Variants in GPR135 observed in about 807,000 individuals in gnomAD.
The protein encoded by GPR135 is G protein-coupled receptor 135.
A neutral mutation model predicts 15.0 loss-of-function variants in GPR135; 17 were observed. The observed-to-expected ratio is 1.13, with a 90% CI of 0.78 to 1.70. The LOEUF (loss-of-function observed/expected upper bound fraction) is 1.70, where lower values mean the gene tolerates loss of function less well. Ranked by LOEUF, GPR135 falls within the 40% of genes most tolerant of loss-of-function variation. GPR135 has a pLI of 0.00. For missense variants in GPR135, 776 were observed against 727.0 expected (o/e 1.07, Z -0.78); for synonymous variants, 368 against 349.4 (o/e 1.05, Z -0.59).
In GPR135 at chr14:59,463,700, C is replaced by A. The variant is rs765114986; in HGVS notation, c.*42G>T. ...CAGAATCTTCCATCATTAAATAATG[C>A]GAGTGGAAATTTGCCTTCATAAGCT... On this transcript the variant is annotated 3_prime_UTR_variant, in exon 1 of 1. Transcript: ENST00000395116. 8.0e-6 allele frequency: 12 copies of A among 1,503,922 alleles called. No homozygotes were observed. The highest frequency in any genetic ancestry group is 1.1e-5 in the Non-Finnish European group (12 of 1,119,356). 93.2% of individuals were successfully genotyped at this position (1,503,922 alleles called of 1,614,324 possible). A position where few individuals can be genotyped will look rare whatever the true frequency, so the allele number is the denominator to read the frequency against.
chr14:59,464,741 C>T lies in GPR135; in HGVS notation c.486G>A (p.Leu162=). The change falls in exon 1 of 1, where the codon CTG becomes CTA. Residue 162 remains leucine, a synonymous_variant. Transcript: ENST00000395116. ...TALLCLPAAF[L]DLFTPPGGSA... Reference sequence around the variant, plus strand: ...AACCCCCGGGCGGAGTGAAGAGGTCCAGGAAGGCGGCGGGCAGGCAGAGCA... The same window carrying T: ...AACCCCCGGGCGGAGTGAAGAGGTCTAGGAAGGCGGCGGGCAGGCAGAGCA... 6.4e-7 allele frequency: 1 copy of T among 1,567,338 alleles called. No homozygotes were observed.
In GPR135 at chr14:59,465,140, T is replaced by A; in HGVS notation, c.87A>T (p.Pro29=). Residue 29 remains proline, a synonymous_variant, in exon 1 of 1, where the codon CCA becomes CCT. Coordinates refer to ENST00000395116, the MANE Select transcript of GPR135 (RefSeq NM_022571.6). ...TGGCCGCGGAGGAAGTCCCGCCAGG[T>A]GGGCCGGCCGCGGAGGGGGCGCCGG... is the stretch of plus-strand genomic sequence containing the variant. The part of the protein sequence containing the change: ...QHSGAPSAAG[P]PGGTSSAATA... 7.4e-7 allele frequency: 1 copy of A among 1,357,602 alleles called. No homozygotes were observed. The highest frequency in any genetic ancestry group is 9.5e-7 in the Non-Finnish European group (1 of 1,055,546). 84.1% of individuals were successfully genotyped at this position (1,357,602 alleles called of 1,614,324 possible). A position where few individuals can be genotyped will look rare whatever the true frequency, so the allele number is the denominator to read the frequency against.
downstream of GPR135, among the ~76,000 whole-genome samples, chr14:59,457,027 T>G (rs1033555583): frequency 2.0e-5 from 3 of 152,176 alleles, no homozygotes; most frequent in Admixed American, 1.3e-4. Context: ...ATAGGGCAGA[T>G]GTAGGCAAGA....
chr14:59,463,663 A>G lies in GPR135; in HGVS notation c.*79T>C. Reference sequence around the variant, plus strand: ...TTAAATGTTTGGCTTTATGAAATCCACAACTCTCCCCCAGAATCTTCCATC... The same window carrying G: ...TTAAATGTTTGGCTTTATGAAATCCGCAACTCTCCCCCAGAATCTTCCATC... On this transcript the variant is annotated 3_prime_UTR_variant, in exon 1 of 1. Coordinates refer to ENST00000395116, the MANE Select transcript of GPR135 (RefSeq NM_022571.6). 1 of 1,361,132 alleles carries G rather than the reference A, an allele frequency of 7.3e-7. No homozygotes were observed. The highest frequency in any genetic ancestry group is 1.5e-5 in the South Asian group (1 of 68,130). 84.3% of individuals were successfully genotyped at this position (1,361,132 alleles called of 1,614,324 possible). A position where few individuals can be genotyped will look rare whatever the true frequency, so the allele number is the denominator to read the frequency against.
In GPR135 at chr14:59,464,135, G is replaced by A. The variant is rs553178682; in HGVS notation, c.1092C>T (p.Ala364=). Residue 364 remains alanine (A), a synonymous_variant, in exon 1 of 1, where the codon GCC becomes GCT. Transcript: ENST00000395116. ...AAARQAQTMQ[A]PSLLSVVAVW... is the part of the protein sequence containing the mutation. ...CGGCCACCACGCTGAGGAGCGAGGG[G>A]GCCTGCATGGTCTGGGCCTGCCGGG... The A allele has an allele frequency of 2.4e-5, 38 of 1,609,920 alleles. No individual in the cohort carries two copies. In the South Asian group the frequency reaches 3.8e-4, roughly 16 times the overall value.
chr14:59,463,643 T>C lies in GPR135; in HGVS notation c.*99A>G. On this transcript the variant is annotated 3_prime_UTR_variant, in exon 1 of 1. Transcript: ENST00000395116. ...AGCCTCCCCCGTCTCTAGCTTTAAA[T>C]GTTTGGCTTTATGAAATCCACAACT... is the stretch of plus-strand genomic sequence containing the variant. 1 of 1,166,390 alleles carries C rather than the reference T, an allele frequency of 8.6e-7. No individual in the cohort carries two copies. Among genetic ancestry groups the C allele is most frequent in the Non-Finnish European group, 1.2e-6 (1 of 836,566 alleles). 72.3% of individuals were successfully genotyped at this position (1,166,390 alleles called of 1,614,324 possible).
At chr14:59,453,757 G>A (rs1888564217) in intron 6 of GPR135, among the ~76,000 whole-genome samples, 1 of 152,240 alleles carries the variant, frequency 6.6e-6, no homozygotes. Context: ...GCAGGTTTTA[G>A]TTGTCAAGGG....
At position 59,464,820 on chromosome 14, in the gene GPR135, G is replaced by T. The variant is rs757987141; in HGVS notation, c.407C>A (p.Thr136Asn). The change falls in exon 1 of 1, where the codon ACC becomes AAC. Residue 136 changes from threonine (T) to asparagine (N), a missense_variant. By Grantham distance (65) the Thr-to-Asn change is moderately conservative (BLOSUM62 0). Transcript: ENST00000395116. The stretch of plus-strand genomic sequence containing the variant: ...CGACAGGATGAAGGCGTTGGTGACG[G>T]TGCGGAGCTGCCGGTGCTTCACAAT... ...GVIVKHRQLR[T>N]VTNAFILSLS... 1 of 1,585,226 alleles carries T rather than the reference G, an allele frequency of 6.3e-7. No individual in the cohort carries two copies. Among genetic ancestry groups the T allele is most frequent in the South Asian group, 1.2e-5 (1 of 86,862 alleles).
In GPR135 at chr14:59,460,823, T is replaced by C. The variant is rs1888829267; in HGVS notation, c.*2919A>G. ...ATTTCATAGCTTTTCTTTCTCGTTT[T>C]CCCATGAAGTCACTATAATTGCATA... is the stretch of plus-strand genomic sequence containing the variant. On this transcript the variant is annotated 3_prime_UTR_variant, in exon 1 of 1. Transcript: ENST00000395116. 6.6e-6 allele frequency: 1 copy of C among 152,218 alleles called. No homozygotes were observed. The highest frequency in any genetic ancestry group is 1.5e-5 in the Non-Finnish European group (1 of 68,036). The allele number at this position is 152,218 out of a possible 1,614,324, so 9.4% of individuals were successfully genotyped here. A position where few individuals can be genotyped will look rare whatever the true frequency, so the allele number is the denominator to read the frequency against.
chr14:59,456,209 C>A (rs1486672205), downstream of GPR135, among the ~76,000 whole-genome samples: 1 of 151,874 alleles, frequency 6.6e-6, no homozygotes. Flanking sequence ...CACAAATAAC[C>A]CCTAATGAGT....
downstream of GPR135, among the ~76,000 whole-genome samples, chr14:59,457,761 C>T (rs1402385576): frequency 6.6e-6 from 1 of 152,136 alleles, no homozygotes; most frequent in Admixed American, 6.5e-5. Context: ...ATTATTTGAA[C>T]ATATTCATAA....
Position 59,461,720 on chromosome 14 carries a change from A to G in GPR135, c.*2022T>C, listed in dbSNP as rs918512256. ...TGCAACACGCTCACCTCCTTACTCT[A>G]AGATCTCTAACCCTCTGCCCTTTAT... On this transcript the variant is annotated 3_prime_UTR_variant, in exon 1 of 1. Transcript: ENST00000395116. 1.3e-5 allele frequency: 2 copies of G among 152,160 alleles called. No homozygotes were observed. The highest frequency in any genetic ancestry group is 2.9e-5 in the Non-Finnish European group (2 of 68,026). 9.4% of individuals were successfully genotyped at this position (152,160 alleles called of 1,614,324 possible).
Position 59,465,351 on chromosome 14 carries a change from G to T in GPR135, c.-125C>A. The T allele has an allele frequency of 1.5e-6, 1 of 662,914 alleles. No individual in the cohort carries two copies. Among genetic ancestry groups the T allele is most frequent in the Non-Finnish European group, 2.1e-6 (1 of 474,364 alleles). 41.1% of individuals were successfully genotyped at this position (662,914 alleles called of 1,614,324 possible). A position where few individuals can be genotyped will look rare whatever the true frequency, so the allele number is the denominator to read the frequency against. On this transcript the variant is annotated 5_prime_UTR_variant, in exon 1 of 1. Coordinates refer to ENST00000395116, the MANE Select transcript of GPR135 (RefSeq NM_022571.6). ...GGGAGCTGGGCTCGGCCGGAGGGGTGGCGGTCGCTGGGGACCTGGCGGAGC... is the reference window on the plus strand; with the variant it reads ...GGGAGCTGGGCTCGGCCGGAGGGGTTGCGGTCGCTGGGGACCTGGCGGAGC...
Position 59,463,636 on chromosome 14 carries a change from C to A in GPR135, c.*106G>T, listed in dbSNP as rs1278602203. 2 of 1,116,246 alleles carry A rather than the reference C, an allele frequency of 1.8e-6. No individual in the cohort carries two copies. Among genetic ancestry groups the A allele is most frequent in the Admixed American group, 5.9e-5 (2 of 34,012 alleles). 69.1% of individuals were successfully genotyped at this position (1,116,246 alleles called of 1,614,324 possible). On this transcript the variant is annotated 3_prime_UTR_variant, in exon 1 of 1. Coordinates refer to ENST00000395116, the MANE Select transcript of GPR135 (RefSeq NM_022571.6). Reference sequence around the variant, plus strand: ...AGTGGTAAGCCTCCCCCGTCTCTAGCTTTAAATGTTTGGCTTTATGAAATC... The same window carrying A: ...AGTGGTAAGCCTCCCCCGTCTCTAGATTTAAATGTTTGGCTTTATGAAATC...
downstream of GPR135, among the ~76,000 whole-genome samples, chr14:59,457,136 C>T (rs28684596): frequency 1.4e-4 from 22 of 152,312 alleles, no homozygotes; most frequent in African/African-American, 5.1e-4. Context: ...TATCCCTCTA[C>T]CTTCCGGCCT....
chr14:59,455,096 C>T (rs1888610260), intron 6 of GPR135, among the ~76,000 whole-genome samples: 1 of 149,124 alleles, frequency 6.7e-6, no homozygotes. Context: ...GAGACTCCAT[C>T]TCAAAAAAAA....
Position 59,464,882 on chromosome 14 carries a change from C to A in GPR135, c.345G>T (p.Leu115=). The change falls in exon 1 of 1, where the codon CTG becomes CTT. Residue 115 remains leucine, a synonymous_variant. Transcript: ENST00000395116. The part of the protein sequence containing the change: ...AQALVLLLIF[L]LSSLGNCAVM... ...CCGCGCAGTTGCCAAGGCTAGACAGCAGGAAGATGAGCAGGAGGACGAGCG... is the reference window on the plus strand; with the variant it reads ...CCGCGCAGTTGCCAAGGCTAGACAGAAGGAAGATGAGCAGGAGGACGAGCG... 6.2e-7 allele frequency: 1 copy of A among 1,606,312 alleles called. No homozygotes were observed. Among genetic ancestry groups the A allele is most frequent in the South Asian group, 1.1e-5 (1 of 89,488 alleles).
At chr14:59,455,098 CAA>C (rs111516252) in intron 6 of GPR135, among the ~76,000 whole-genome samples, 1 of 127,840 alleles carries the variant, frequency 7.8e-6, no homozygotes, top group African/African-American at 2.9e-5. Context: ...GACTCCATCT[CAA>C]AAAAAAAAAA....
In GPR135 at chr14:59,463,973, C is replaced by CT. The variant is rs1566549770; in HGVS notation, c.1253dup (p.Leu422SerfsTer65). The stretch of plus-strand genomic sequence containing the variant: ...GGCTTCTGGCTTGCAGACCCGGGCC[C>CT]TGGCTGGGCAGGAAAGCGTCCACAT... On this transcript the variant is annotated frameshift_variant, in exon 1 of 1. Coordinates refer to ENST00000395116, the MANE Select transcript of GPR135 (RefSeq NM_022571.6). LOFTEE classifies it low-confidence loss of function (END_TRUNC). The CT allele has an allele frequency of 1.2e-6, 2 of 1,614,066 alleles. No individual in the cohort carries two copies. The highest frequency in any genetic ancestry group is 8.5e-7 in the Non-Finnish European group (1 of 1,180,036).
Sources: allele counts gnomAD v4.1 joint callset (sites outside exome capture counted in the v4.1 genomes callset), GRCh38; gene constraint gnomAD v4.1.1; transcripts MANE v1.5; gene names NCBI Gene and HGNC (gene_info 2026-07-23, HGNC 2026-07-21).